The following GBF1 variants were observed in gnomAD, a reference collection of about 807,000 sequenced individuals.
GBF1 encodes Golgi-specific brefeldin A-resistance guanine nucleotide exchange factor 1.
Under a neutral mutation model 210.5 loss-of-function variants are expected in GBF1, and 114 were observed. The ratio of observed to expected loss-of-function variants is 0.54; its 90% CI spans 0.47 to 0.63. GBF1 has a LOEUF of 0.63. Ranked by LOEUF, GBF1 falls within the 30% of genes least tolerant of loss-of-function variation. The probability of loss-of-function intolerance (pLI) is 0.00; values close to 1 mark genes in which losing one functional copy is unlikely to be tolerated. For synonymous variants in GBF1, 850 were observed against 889.2 expected (o/e 0.96, Z 0.78); for missense variants, 1,851 against 2,357.7 (o/e 0.79, Z 4.45).
At chr10:102,361,585 CT>C (rs1451899985) in intron 13 of GBF1, 132 bp from the exon 14 acceptor site, 3 of 601,834 alleles carry the variant, frequency 5.0e-6, no homozygotes, top group Non-Finnish European at 8.7e-6. Context: ...GATGGAATAC[CT>C]TTGGGTGTCT....
At chr10:102,290,718 T>G (rs1254669967) in intron 3 of GBF1, among the ~76,000 whole-genome samples, 1 of 152,162 alleles carries the variant, frequency 6.6e-6, no homozygotes, top group African/African-American at 2.4e-5. Flanking sequence ...TTTCCCAGGC[T>G]AGTCTCAAAC....
At chr10:102,232,110 C>T in the GBF1 span, 1 of 1,406,202 alleles carries the variant, frequency 7.1e-7, no homozygotes, top group East Asian at 2.3e-5. Context: ...CGAGAGAAGA[C>T]ACAGACCAGG....
chr10:102,256,487 T>A (rs2072398060), intron 1 of GBF1, among the ~76,000 whole-genome samples: 1 of 151,916 alleles, frequency 6.6e-6, no homozygotes, highest in Non-Finnish European at 1.5e-5. Context: ...ATATTGATAG[T>A]ACAGTAATAC....
chr10:102,379,463 T>C (rs1317579246), intron 34 of GBF1, 29 bp downstream of exon 34: 1 of 1,613,670 alleles, frequency 6.2e-7, no homozygotes, highest in East Asian at 2.2e-5. Context: ...AGGTAGGGAG[T>C]TTGGGGAGCA....
intron 3 of GBF1, among the ~76,000 whole-genome samples, chr10:102,325,944 C>T (rs944751084): frequency 6.6e-6 from 1 of 152,148 alleles, no homozygotes; most frequent in Non-Finnish European, 1.5e-5. Context: ...GCCACTGCGC[C>T]CAGCCTACAC....
At chr10:102,365,364 G>A in intron 17 of GBF1, 33 bp from the exon 18 acceptor site, 1 of 1,571,854 alleles carries the variant, frequency 6.4e-7, no homozygotes. Context: ...TAGAGGCAAA[G>A]TAGCTTCTAT....
intron 3 of GBF1, among the ~76,000 whole-genome samples, chr10:102,272,518 A>G (rs917110876): frequency 2.0e-5 from 3 of 152,218 alleles, no homozygotes; most frequent in Non-Finnish European, 4.4e-5. Context: ...CTGTGAAGTA[A>G]TATTTTTGCA....
chr10:102,379,732 G>A (rs1589838270), intron 35 of GBF1, 81 bp downstream of exon 35: 3 of 1,532,736 alleles, frequency 2.0e-6, no homozygotes, highest in East Asian at 4.5e-5. Context: ...CCCCTAATGT[G>A]AGTCTTCAGC....
At chr10:102,351,522 C>A in intron 5 of GBF1, 148 bp downstream of exon 5, 1 of 624,270 alleles carries the variant, frequency 1.6e-6, no homozygotes, top group East Asian at 2.7e-5. Flanking sequence ...CTGGGGTACC[C>A]AAAGTAAAAG....
intron 3 of GBF1, among the ~76,000 whole-genome samples, chr10:102,322,968 T>C (rs1384147094): frequency 2.6e-5 from 4 of 151,836 alleles, no homozygotes; most frequent in Non-Finnish European, 5.9e-5. Context: ...ATTTCAATGA[T>C]CTATTACTGT....
chr10:102,368,155 T>G, intron 21 of GBF1, 63 bp from the exon 22 acceptor site: 1 of 1,027,168 alleles, frequency 9.7e-7, no homozygotes, highest in Non-Finnish European at 1.5e-6. Context: ...GAACTCCTAG[T>G]CTTGGTTTGG....
intron 3 of GBF1, among the ~76,000 whole-genome samples, chr10:102,281,417 T>C (rs1168785287): frequency 6.6e-6 from 1 of 152,128 alleles, no homozygotes; most frequent in Non-Finnish European, 1.5e-5. Flanking sequence ...CATAAAATAC[T>C]AAATCTACTA....
chr10:102,319,728 CTT>C (rs546103797), intron 3 of GBF1, among the ~76,000 whole-genome samples: 25 of 133,202 alleles, frequency 1.9e-4, no homozygotes, highest in Non-Finnish European at 3.2e-4. Flanking sequence ...CTTTTTCTTT[CTT>C]TTTTTTTTTT....
At chr10:102,374,767 T>C (rs1319900493) in intron 29 of GBF1, among the ~76,000 whole-genome samples, 3 of 152,234 alleles carry the variant, frequency 2.0e-5, no homozygotes, top group African/African-American at 7.2e-5. Context: ...GATATTATAC[T>C]ATAGTTTTGC....
At chr10:102,362,005 C>A in intron 14 of GBF1, 93 bp downstream of exon 14, 3 of 496,048 alleles carry the variant, frequency 6.0e-6, no homozygotes, top group Non-Finnish European at 1.0e-5. Context: ...GAGAGGGGAA[C>A]ACTTGAGAGC....
At chr10:102,232,688 C>A in the GBF1 span, among the ~76,000 whole-genome samples, 1 of 151,088 alleles carries the variant, frequency 6.6e-6, no homozygotes, top group Non-Finnish European at 1.5e-5. Context: ...TCTCAAAAAA[C>A]AACAACAACA....
intron 1 of GBF1, among the ~76,000 whole-genome samples, chr10:102,248,336 A>G (rs1261776627): frequency 6.6e-6 from 1 of 151,984 alleles, no homozygotes. Flanking sequence ...AAATGAAAAT[A>G]TAATAAAGCA....
upstream of GBF1, among the ~76,000 whole-genome samples, chr10:102,241,719 C>A (rs944265540): frequency 1.5e-4 from 23 of 152,382 alleles, 1 homozygote; most frequent in African/African-American, 4.8e-4. This position sits in a 1 kb window ranked among gnomAD's most constrained non-coding sequence, Gnocchi z 6.7. Flanking sequence ...ATCAGAAGCG[C>A]TCTTCAGCAA....
At chr10:102,247,970 A>G (rs1300181471) in intron 1 of GBF1, among the ~76,000 whole-genome samples, 2 of 152,144 alleles carry the variant, frequency 1.3e-5, no homozygotes, top group African/African-American at 4.8e-5. Context: ...ACTTTCACAT[A>G]ATAACCTCAT....
Sources: gnomAD v4.1 joint callset for allele counts (sites outside exome capture counted in the v4.1 genomes callset) on GRCh38, gnomAD v4.1.1 for gene constraint, Gnocchi (gnomAD v3.1) non-coding constraint, MANE v1.5 for transcripts, NCBI Gene and HGNC (gene_info 2026-07-23, HGNC 2026-07-21) for gene names.